GCN1: variants seen among roughly 807,000 people sequenced by gnomAD.
The protein encoded by GCN1 is GCN1 activator of EIF2AK4.
Under a neutral mutation model 288.4 loss-of-function variants are expected in GCN1, and 90 were observed. The observed-to-expected ratio is 0.31, with a 90% confidence interval of 0.26 to 0.37. The LOEUF (loss-of-function observed/expected upper bound fraction) is 0.37, where lower values mean the gene tolerates loss of function less well. Ranked by LOEUF, GCN1 falls within the 10% of genes least tolerant of loss-of-function variation. The pLI is 1.00. For synonymous variants in GCN1, 1,386 were observed against 1,420.2 expected (o/e 0.98, Z 0.54); for missense variants, 2,586 against 3,419.9 (o/e 0.76, Z 6.08).
intron 51 of GCN1, among the ~76,000 whole-genome samples, chr12:120,135,941 A>G (rs948210007): frequency 1.3e-5 from 2 of 151,328 alleles, no homozygotes; most frequent in African/African-American, 4.9e-5. Flanking sequence ...GCTTGAACCC[A>G]GGAGGCGGAG....
rs1877703520 is a variant in GCN1 at position 120,155,213 on chromosome 12, C to T, written c.3630+28G>A. The T allele has an allele frequency of 1.9e-6, 3 of 1,607,090 alleles. No homozygotes were observed. The highest frequency in any genetic ancestry group is 2.7e-5 in the African/African-American group (2 of 74,916). ...ACCCACCCAACCGCACACACCCAGA[C>T]TGCATCAGGGCTGCACAGGTCACTC... On this transcript the variant is annotated intron_variant, in intron 30 of 57. Transcript: ENST00000300648. The surrounding 1 kb of genome is among the most constrained non-coding windows in gnomAD (Gnocchi z 4.9).
chr12:120,165,004 C>T (rs7966330), intron 16 of GCN1, among the ~76,000 whole-genome samples: 31 of 12,520 alleles, frequency 2.5e-3, no homozygotes, highest in East Asian at 0.015. Flanking sequence ...CACATATATA[C>T]ACACACACAC....
At position 120,184,857 on chromosome 12, in the gene GCN1, C is replaced by A; in HGVS notation, c.152G>T (p.Cys51Phe). ...ATGCAGAGTCAAGCAGAACAATTTG[C>A]AGAGCCCCTTCACTGCTCCCTCTGG... ...DLPEGAVKGL[C>F]KLFCLTLHRY... The change falls in exon 3 of 58, where the codon TGC becomes TTC. Residue 51 changes from cysteine to phenylalanine, a missense_variant. By Grantham distance (205) the Cys-to-Phe change is radical. Coordinates refer to ENST00000300648, the MANE Select transcript of GCN1 (RefSeq NM_006836.2). 6.2e-7 allele frequency: 1 copy of A among 1,612,742 alleles called. No homozygotes were observed. The highest frequency in any genetic ancestry group is 8.5e-7 in the Non-Finnish European group (1 of 1,178,986).
chr12:120,162,706 C>T (rs1877969038), intron 20 of GCN1, 141 bp downstream of exon 20: 1 of 941,244 alleles, frequency 1.1e-6, no homozygotes, highest in African/African-American at 1.6e-5. Context: ...AACCAGTTTA[C>T]ATTTCTGTCA....
At position 120,158,736 on chromosome 12, in the gene GCN1, G is replaced by A; in HGVS notation, c.2750-121C>T. ...ACTTAAAAAAATATTTCTGCGGCTG[G>A]GCGCGGTGGCTGATGCCTGTAATCC... On this transcript the variant is annotated intron_variant, in intron 24 of 57. Coordinates refer to ENST00000300648, the MANE Select transcript of GCN1 (RefSeq NM_006836.2). This position sits in a 1 kb window ranked among gnomAD's most constrained non-coding sequence, Gnocchi z 4.3. 1.2e-6 allele frequency: 1 copy of A among 860,014 alleles called. No individual in the cohort carries two copies. Among genetic ancestry groups the A allele is most frequent in the Non-Finnish European group, 1.8e-6 (1 of 569,030 alleles). 53.3% of individuals were successfully genotyped at this position (860,014 alleles called of 1,614,324 possible). A position where few individuals can be genotyped will look rare whatever the true frequency, so the allele number is the denominator to read the frequency against.
At position 120,157,005 on chromosome 12, in the gene GCN1, G is replaced by T; in HGVS notation, c.3088-13C>A. ...ACTCCGGGCCATTCTAGGAGAGAAC[G>T]GCAGGTAAGTCGAGATGAGGCTGTG... On this transcript the variant is annotated splice_polypyrimidine_tract_variant and intron_variant, in intron 26 of 57. Coordinates refer to ENST00000300648, the MANE Select transcript of GCN1 (RefSeq NM_006836.2). The T allele has an allele frequency of 1.9e-6, 3 of 1,599,942 alleles. No homozygotes were observed. Among genetic ancestry groups the T allele is most frequent in the Non-Finnish European group, 2.6e-6 (3 of 1,167,434 alleles).
intron 47 of GCN1, 101 bp downstream of exon 47, chr12:120,138,222 C>A: frequency 1.0e-6 from 1 of 952,866 alleles, no homozygotes; most frequent in Non-Finnish European, 1.7e-6. Context: ...CCCTCCTCCC[C>A]CAGCCCTCCA....
intron 19 of GCN1, 21 bp from the exon 20 acceptor site, chr12:120,162,992 T>C: frequency 6.2e-7 from 1 of 1,614,156 alleles, no homozygotes; most frequent in East Asian, 2.2e-5. Flanking sequence ...AGGGAGCTCT[T>C]TGAGGCCTTC....
chr12:120,192,545 G>A (rs1002176681), intron 1 of GCN1, among the ~76,000 whole-genome samples: 1 of 151,290 alleles, frequency 6.6e-6, no homozygotes, highest in Admixed American at 6.6e-5. Context: ...GGCCAACATG[G>A]TGAAACCGCG....
chr12:120,176,240 AC>A, intron 9 of GCN1, 23 bp from the exon 10 acceptor site: 1 of 1,496,942 alleles, frequency 6.7e-7, no homozygotes, highest in Non-Finnish European at 9.3e-7. Context: ...GAAAGCACTG[AC>A]CATGTCAGTC....
chr12:120,167,890 A>T (rs1478976606), intron 16 of GCN1, among the ~76,000 whole-genome samples: 10 of 152,096 alleles, frequency 6.6e-5, no homozygotes, highest in Non-Finnish European at 1.3e-4. Flanking sequence ...GCCAGACTCC[A>T]CAAGAGCTTC....
rs1444983924 is a variant in GCN1, at chr12:120,153,906, A to G, written c.3705T>C (p.Cys1235=). Residue 1235 remains cysteine, a synonymous_variant, in exon 32 of 58, where the codon TGT becomes TGC. Transcript: ENST00000300648. The surrounding 1 kb of genome is among the most constrained non-coding windows in gnomAD (Gnocchi z 4.4). ...ESPPDQWEAR[C]GLALALNKLS... ...GCTTGTTGAGGGCCAACGCCAAGCC[A>G]CACCTGGGAAAGAAGTGGGAGCACA... 6.2e-7 allele frequency: 1 copy of G among 1,613,496 alleles called. No individual in the cohort carries two copies. Among genetic ancestry groups the G allele is most frequent in the Non-Finnish European group, 8.5e-7 (1 of 1,179,602 alleles).
At chr12:120,136,804 G>A in intron 50 of GCN1, 72 bp from the exon 51 acceptor site, 2 of 1,124,690 alleles carry the variant, frequency 1.8e-6, no homozygotes, top group Non-Finnish European at 2.6e-6. Context: ...TGCAAGCAAA[G>A]TGGTCCTGAC....
Position 120,137,842 on chromosome 12 carries a change from G to A in GCN1, c.6394-28C>T, listed in dbSNP as rs752764662. The stretch of plus-strand genomic sequence containing the variant: ...GCAAACCACAAGGGACATGTGTGCT[G>A]AGCAGGGATCCTCCGGGCAGACGGG... On this transcript the variant is annotated intron_variant, in intron 48 of 57. Transcript: ENST00000300648. The surrounding 1 kb of genome is among the most constrained non-coding windows in gnomAD (Gnocchi z 5.2). 24 of 1,612,650 alleles carry A rather than the reference G, an allele frequency of 1.5e-5. No homozygotes were observed. Among genetic ancestry groups the A allele is most frequent in the Non-Finnish European group, 2.0e-5 (24 of 1,178,828 alleles).
At chr12:120,179,142 T>C (rs1256785127) in intron 5 of GCN1, among the ~76,000 whole-genome samples, 192 bp from the exon 6 acceptor site, 1 of 152,222 alleles carries the variant, frequency 6.6e-6, no homozygotes, top group Non-Finnish European at 1.5e-5. Context: ...TTAACGACAC[T>C]GTTCCCACTA....
Position 120,144,362 on chromosome 12 carries a change from G to A in GCN1, c.5439C>T (p.Ile1813=), listed in dbSNP as rs368784653. ...RVISMYAETA[I]ALLLPQLEQG... ...GCTCTAGCTGGGGCAGCAGCAGGGC[G>A]ATGGCTGTCTCAGCGTACATGGAGA... Residue 1813 remains isoleucine, a synonymous_variant, in exon 42 of 58, where the codon ATC becomes ATT. Coordinates refer to ENST00000300648, the MANE Select transcript of GCN1 (RefSeq NM_006836.2). This position sits in a 1 kb window ranked among gnomAD's most constrained non-coding sequence, Gnocchi z 4.7. 17 of 1,614,072 alleles carry A rather than the reference G, an allele frequency of 1.1e-5. No individual in the cohort carries two copies. The highest frequency in any genetic ancestry group is 1.7e-5 in the Admixed American group (1 of 60,014).
intron 33 of GCN1, among the ~76,000 whole-genome samples, chr12:120,151,962 C>T (rs1040030628): frequency 6.6e-6 from 1 of 152,164 alleles, no homozygotes; most frequent in African/African-American, 2.4e-5. Flanking sequence ...CTTTCTGACA[C>T]CATATTTGAC....
At chr12:120,132,066 C>A (rs773926406) in intron 53 of GCN1, 44 bp from the exon 54 acceptor site, 1 of 1,306,590 alleles carries the variant, frequency 7.7e-7, no homozygotes, top group Non-Finnish European at 1.1e-6. Context: ...GGGAACAACA[C>A]CAGCTGTGTG....
intron 53 of GCN1, among the ~76,000 whole-genome samples, chr12:120,132,751 T>C (rs1260992409): frequency 6.6e-6 from 1 of 152,184 alleles, no homozygotes; most frequent in Non-Finnish European, 1.5e-5. Flanking sequence ...CAACTCAACA[T>C]GTCCCCAAAA....
Sources: allele counts gnomAD v4.1 joint callset (sites outside exome capture counted in the v4.1 genomes callset), GRCh38; gene constraint gnomAD v4.1.1; non-coding constraint Gnocchi (gnomAD v3.1); transcripts MANE v1.5; gene names NCBI Gene and HGNC (gene_info 2026-07-23, HGNC 2026-07-21).